DGKB: variants seen among roughly 807,000 people sequenced by gnomAD.
DGKB encodes diacylglycerol kinase beta, also known as 90 kDa diacylglycerol kinase.
DGKB carries 67 observed loss-of-function variants against 114.3 expected under a neutral mutation model. The ratio of observed to expected loss-of-function variants is 0.59; its 90% CI spans 0.48 to 0.72. The LOEUF is 0.72. Ranked by LOEUF, DGKB falls within the 30% of genes least tolerant of loss-of-function variation. The pLI, the probability that DGKB is intolerant of heterozygous loss-of-function variation, is 0.00. For missense variants in DGKB, 907 were observed against 975.2 expected (o/e 0.93, Z 0.93); for synonymous variants, 398 against 323.1 (o/e 1.23, Z -2.49).
At chr7:14,454,530 C>G (rs986846703) in intron 21 of DGKB, among the ~76,000 whole-genome samples, 3 of 152,012 alleles carry the variant, frequency 2.0e-5, no homozygotes, top group African/African-American at 7.2e-5. Flanking sequence ...TATAATATGG[C>G]TTTTAAATCT....
intron 21 of DGKB, among the ~76,000 whole-genome samples, chr7:14,359,037 C>T (rs998185327): frequency 1.3e-5 from 2 of 152,016 alleles, no homozygotes; most frequent in Non-Finnish European, 2.9e-5. Flanking sequence ...CATCAGGCTA[C>T]CTGACTTCAA....
intron 2 of DGKB, among the ~76,000 whole-genome samples, chr7:14,814,743 G>A (rs906226410): frequency 4.6e-5 from 7 of 151,544 alleles, no homozygotes; most frequent in African/African-American, 1.7e-4. Flanking sequence ...TCCTCCTTTA[G>A]ATTACTTGCT....
chr7:14,883,274 G>C (rs1046335962), intron 1 of DGKB, among the ~76,000 whole-genome samples: 5 of 151,416 alleles, frequency 3.3e-5, no homozygotes, highest in Non-Finnish European at 7.4e-5. Context: ...CTATATATTT[G>C]TTTGCAAAGT....
chr7:14,230,946 C>T (rs1791628764), intron 23 of DGKB, among the ~76,000 whole-genome samples: 1 of 152,000 alleles, frequency 6.6e-6, no homozygotes, highest in South Asian at 2.1e-4. Flanking sequence ...TAAATAATTA[C>T]TATGTTATAA....
chr7:14,875,087 A>G (rs1335415140), intron 1 of DGKB, among the ~76,000 whole-genome samples: 1 of 152,096 alleles, frequency 6.6e-6, no homozygotes, highest in Non-Finnish European at 1.5e-5. Context: ...AATAGATGTG[A>G]TGGAGCTAAG....
chr7:14,409,859 T>C (rs1422813346), intron 21 of DGKB, among the ~76,000 whole-genome samples: 2 of 152,122 alleles, frequency 1.3e-5, no homozygotes, highest in Non-Finnish European at 1.5e-5. Flanking sequence ...TTCTCCTCCT[T>C]ATGATTTTCT....
At chr7:14,956,304 C>A (rs1428073585) in intron 1 of DGKB, among the ~76,000 whole-genome samples, 1 of 151,928 alleles carries the variant, frequency 6.6e-6, no homozygotes, top group East Asian at 1.9e-4. Flanking sequence ...CTTGCCCCTA[C>A]AATGACTCCT....
rs539714070 is a variant in DGKB at position 14,294,946 on chromosome 7, C to A, written c.2122+43569G>T. Among the ~76,000 whole-genome samples the A allele has an allele frequency of 3.3e-5, 5 of 152,180 alleles. No homozygotes were observed. The East Asian group carries it at 9.7e-4, about 30-fold the overall frequency. On this transcript the variant is annotated intron_variant, in intron 23 of 25. Coordinates refer to ENST00000402815, the MANE Select transcript of DGKB (RefSeq NM_001350709.2). ...AGCAGAAAGAGTGACCTAATGCAGT[C>A]TAAATTAGAAAGGTTCCCGAAATTT...
chr7:14,197,125 G>A (rs761249185), intron 23 of DGKB, among the ~76,000 whole-genome samples: 9 of 151,982 alleles, frequency 5.9e-5, no homozygotes, highest in Non-Finnish European at 1.2e-4. Flanking sequence ...TTTGTGGGGC[G>A]GGGGAAACCA....
At chr7:14,750,844 C>A (rs1834020992) in intron 4 of DGKB, among the ~76,000 whole-genome samples, 1 of 119,658 alleles carries the variant, frequency 8.4e-6, no homozygotes, top group Non-Finnish European at 1.6e-5. Context: ...TCTGTTGTTG[C>A]CCAGGCTGGA....
At chr7:14,447,105 G>A (rs1830823618) in intron 21 of DGKB, among the ~76,000 whole-genome samples, 1 of 152,120 alleles carries the variant, frequency 6.6e-6, no homozygotes, top group African/African-American at 2.4e-5. Flanking sequence ...TAGTAACCAA[G>A]GTGGAGTCAC....
intron 1 of DGKB, among the ~76,000 whole-genome samples, chr7:14,882,506 G>C (rs889835792): frequency 6.6e-6 from 1 of 151,966 alleles, no homozygotes; most frequent in Admixed American, 6.6e-5. Context: ...AGATTGTGTA[G>C]TGGTCAAGTC....
In DGKB at chr7:14,769,527, G is replaced by GA. The variant is rs74546360; in HGVS notation, c.71-11797dup. On this transcript the variant is annotated intron_variant, in intron 2 of 25. Transcript: ENST00000402815. ...CCATCTCATAAATTTATTTAGTAAT[G>GA]AAAAAAAAAACTGCCAAGAACATCA... is the stretch of plus-strand genomic sequence containing the variant. Among the ~76,000 whole-genome samples the GA allele has an allele frequency of 3.4e-3, 486 of 144,838 alleles. 1 individual carries two copies. Among genetic ancestry groups the GA allele is most frequent in the African/African-American group, 9.5e-3 (379 of 39,724 alleles).
intron 1 of DGKB, among the ~76,000 whole-genome samples, chr7:14,871,411 C>T (rs1287463788): frequency 6.6e-6 from 1 of 152,112 alleles, no homozygotes; most frequent in Non-Finnish European, 1.5e-5. Flanking sequence ...AGGGGAGATG[C>T]TGGTCAAAGA....
intron 20 of DGKB, among the ~76,000 whole-genome samples, chr7:14,498,017 C>T (rs1449990106): frequency 6.6e-6 from 1 of 151,756 alleles, no homozygotes; most frequent in Non-Finnish European, 1.5e-5. Flanking sequence ...GGATTATGTT[C>T]CATTTTTGAG....
chr7:14,873,836 A>C (rs1411426934), intron 1 of DGKB, among the ~76,000 whole-genome samples: 1 of 152,060 alleles, frequency 6.6e-6, no homozygotes, highest in East Asian at 1.9e-4. Context: ...CTAAAAATAA[A>C]TATAATAGTT....
intron 21 of DGKB, among the ~76,000 whole-genome samples, chr7:14,450,945 T>C (rs1831395603): frequency 6.6e-6 from 1 of 151,948 alleles, no homozygotes; most frequent in East Asian, 1.9e-4. Context: ...AATTACACAG[T>C]CTACAACCAT....
chr7:14,819,261 AC>A (rs1239615092), intron 2 of DGKB, among the ~76,000 whole-genome samples: 4 of 152,052 alleles, frequency 2.6e-5, no homozygotes, highest in African/African-American at 9.7e-5. Flanking sequence ...TAAATAAATA[AC>A]TTTCCAAGTA....
At chr7:14,337,367 G>A (rs1168006071) in intron 23 of DGKB, among the ~76,000 whole-genome samples, 1 of 151,902 alleles carries the variant, frequency 6.6e-6, no homozygotes, top group Non-Finnish European at 1.5e-5. Context: ...TTATAAACAT[G>A]CTTGTACTAA....
Sources: allele counts gnomAD v4.1 joint callset (sites outside exome capture counted in the v4.1 genomes callset), GRCh38; gene constraint gnomAD v4.1.1; transcripts MANE v1.5; gene names NCBI Gene and HGNC (gene_info 2026-07-23, HGNC 2026-07-21).